Variants in ARHGAP44 observed in about 807,000 individuals in gnomAD.
ARHGAP44 encodes rho GTPase-activating protein 44.
ARHGAP44 carries 43 observed loss-of-function variants against 106.8 expected under a neutral mutation model. That is an observed-to-expected ratio of 0.40 (90% CI 0.32 to 0.52). The LOEUF (loss-of-function observed/expected upper bound fraction) is 0.52. ARHGAP44 is among the 20% of genes least tolerant of loss of function. The pLI, the probability that ARHGAP44 is intolerant of heterozygous loss-of-function variation, is 0.48. For missense variants in ARHGAP44, 866 were observed against 1,050.5 expected (o/e 0.82, Z 2.43); for synonymous variants, 439 against 410.3 (o/e 1.07, Z -0.85).
chr17:12,841,639 C>CACACACAAAAAAAAAAAA (rs1555546108), intron 1 of ARHGAP44, among the ~76,000 whole-genome samples: 13 of 137,458 alleles, frequency 9.5e-5, no homozygotes, highest in African/African-American at 3.5e-4. Flanking sequence ...CACACACACA[C>CACACACAAAAAAAAAAAA]AAACAAACAA....
intron 1 of ARHGAP44, among the ~76,000 whole-genome samples, chr17:12,860,123 G>A (rs1033282224): frequency 2.6e-5 from 4 of 152,092 alleles, no homozygotes; most frequent in Admixed American, 2.6e-4. Context: ...TTACCTCTAG[G>A]AATTAATTAA....
At chr17:12,864,566 C>T (rs1289681617) in intron 1 of ARHGAP44, among the ~76,000 whole-genome samples, 1 of 152,138 alleles carries the variant, frequency 6.6e-6, no homozygotes, top group Non-Finnish European at 1.5e-5. Flanking sequence ...TACCACTCAA[C>T]ACAAATATCT....
In ARHGAP44 at chr17:12,893,618, G is replaced by A. The variant is rs148632703; in HGVS notation, c.54-1322G>A. Reference sequence around the variant, plus strand: ...ATGCTCCCACACTGATGAGGGGTACGGGCTTGGGTGGTTGTTACAGCCTGG... The same window carrying A: ...ATGCTCCCACACTGATGAGGGGTACAGGCTTGGGTGGTTGTTACAGCCTGG... On this transcript the variant is annotated intron_variant, in intron 1 of 20. Transcript: ENST00000379672. Among the ~76,000 whole-genome samples the A allele has an allele frequency of 1.8e-3, 273 of 152,278 alleles. 1 individual carries two copies. The highest frequency in any genetic ancestry group is 2.5e-3 in the Non-Finnish European group (167 of 68,028).
chr17:12,851,230 G>T (rs2035730264), intron 1 of ARHGAP44, among the ~76,000 whole-genome samples: 1 of 152,214 alleles, frequency 6.6e-6, no homozygotes, highest in Non-Finnish European at 1.5e-5. Flanking sequence ...TCTCCCACGT[G>T]CAGTTGGCCC....
At chr17:12,889,757 T>C (rs2036987208) in intron 1 of ARHGAP44, among the ~76,000 whole-genome samples, 1 of 152,204 alleles carries the variant, frequency 6.6e-6, no homozygotes, top group Non-Finnish European at 1.5e-5. Flanking sequence ...CAATTCTTCC[T>C]GAGGCAAACT....
At chr17:12,804,177 C>T (rs183851424) in intron 1 of ARHGAP44, among the ~76,000 whole-genome samples, 9 of 152,258 alleles carry the variant, frequency 5.9e-5, no homozygotes, top group East Asian at 1.9e-4. Context: ...TTTGCCTCCA[C>T]GTTCACAAAC....
At chr17:12,790,070 C>G (rs2033691384) in intron 1 of ARHGAP44, 179 bp downstream of exon 1, 2 of 540,434 alleles carry the variant, frequency 3.7e-6, no homozygotes, top group African/African-American at 2.0e-5. Flanking sequence ...TCCCAGACCC[C>G]GGAGCTCTTC....
chr17:12,821,923 C>T (rs1347241573), intron 1 of ARHGAP44, among the ~76,000 whole-genome samples: 5 of 152,148 alleles, frequency 3.3e-5, no homozygotes, highest in African/African-American at 1.2e-4. Flanking sequence ...CTGACACTAC[C>T]ATTAGAAGAT....
chr17:12,966,981 T>C (rs906647306), intron 16 of ARHGAP44, among the ~76,000 whole-genome samples: 1 of 152,118 alleles, frequency 6.6e-6, no homozygotes, highest in Admixed American at 6.6e-5. Context: ...AGATACCTAT[T>C]CTTCTTGGAG....
chr17:12,955,798 G>T, intron 13 of ARHGAP44, 69 bp from the exon 14 acceptor site: 3 of 909,404 alleles, frequency 3.3e-6, no homozygotes, highest in Non-Finnish European at 5.2e-6. Flanking sequence ...AGAAGCTTCT[G>T]TCCAGTCCCC....
intron 1 of ARHGAP44, among the ~76,000 whole-genome samples, chr17:12,846,972 A>G (rs1410387264): frequency 6.6e-6 from 1 of 152,214 alleles, no homozygotes; most frequent in African/African-American, 2.4e-5. Context: ...AGGTCATTTA[A>G]GGTTAACCCA....
At chr17:12,916,632 G>A (rs953361259) in intron 5 of ARHGAP44, among the ~76,000 whole-genome samples, 18 of 152,310 alleles carry the variant, frequency 1.2e-4, no homozygotes, top group East Asian at 7.7e-4. Flanking sequence ...CGATCCACCC[G>A]CCTTGGCCTC....
At chr17:12,983,676 C>T (rs1479759861) in intron 19 of ARHGAP44, among the ~76,000 whole-genome samples, 3 of 152,094 alleles carry the variant, frequency 2.0e-5, no homozygotes, top group Admixed American at 6.5e-5. Flanking sequence ...TGGTGGTGGG[C>T]GCCTGTAATC....
chr17:12,876,609 A>C (rs1344399670), intron 1 of ARHGAP44, among the ~76,000 whole-genome samples: 1 of 151,902 alleles, frequency 6.6e-6, no homozygotes, highest in African/African-American at 2.4e-5. Context: ...GGAGATGGGG[A>C]GATGGGTTAG....
chr17:12,890,602 G>T (rs1181739822), intron 1 of ARHGAP44, among the ~76,000 whole-genome samples: 1 of 152,184 alleles, frequency 6.6e-6, no homozygotes, highest in African/African-American at 2.4e-5. Context: ...CAGCCTCAAA[G>T]ATCTCTGAAA....
chr17:12,868,409 A>G (rs2036295688), intron 1 of ARHGAP44, among the ~76,000 whole-genome samples: 1 of 151,816 alleles, frequency 6.6e-6, no homozygotes, highest in African/African-American at 2.4e-5. Flanking sequence ...TGGGGAACAC[A>G]GTTCAGTCCT....
chr17:12,835,408 A>G lies in ARHGAP44; in HGVS notation c.53+45517A>G, dbSNP rs570225869. ...TGGGCATTGATAAAAGGCAGAAGAG[A>G]TAAATCAATACCGTAGGCATGATGA... On this transcript the variant is annotated intron_variant, in intron 1 of 20. Transcript: ENST00000379672. Among the ~76,000 whole-genome samples, 12 of 152,334 alleles carry G rather than the reference A, an allele frequency of 7.9e-5. No homozygotes were observed. The East Asian group carries it at 2.1e-3, about 27-fold the overall frequency.
chr17:12,798,467 A>G (rs926735108), intron 1 of ARHGAP44, among the ~76,000 whole-genome samples: 1 of 152,014 alleles, frequency 6.6e-6, no homozygotes, highest in Non-Finnish European at 1.5e-5. Flanking sequence ...TATTCCGTAT[A>G]TATTTATTGG....
At chr17:12,897,203 C>G (rs1456328205) in intron 3 of ARHGAP44, among the ~76,000 whole-genome samples, 1 of 152,148 alleles carries the variant, frequency 6.6e-6, no homozygotes, top group Non-Finnish European at 1.5e-5. Flanking sequence ...GATATACAAT[C>G]TAGGTTTTTC....
Sources: gnomAD v4.1 joint callset for allele counts (sites outside exome capture counted in the v4.1 genomes callset) on GRCh38, gnomAD v4.1.1 for gene constraint, MANE v1.5 for transcripts, NCBI Gene and HGNC (gene_info 2026-07-23, HGNC 2026-07-21) for gene names.